Variants in ENKD1 observed in about 807,000 individuals in gnomAD.
The protein encoded by ENKD1 is enkurin domain containing 1.
A neutral mutation model predicts 35.8 loss-of-function variants in ENKD1; 39 were observed. That is an observed-to-expected ratio of 1.09 (90% CI 0.84 to 1.42). The LOEUF (loss-of-function observed/expected upper bound fraction) is 1.42. ENKD1 is among the 40% of genes most tolerant of loss of function. The pLI is 0.00. For synonymous variants in ENKD1, 205 were observed against 198.6 expected (o/e 1.03, Z -0.27); for missense variants, 474 against 471.3 (o/e 1.01, Z -0.05).
chr16:67,663,160 C>T lies in ENKD1; in HGVS notation c.*1G>A, dbSNP rs767398992. The T allele has an allele frequency of 1.2e-6, 2 of 1,613,914 alleles. No homozygotes were observed. Among genetic ancestry groups the T allele is most frequent in the Admixed American group, 1.7e-5 (1 of 60,028 alleles). On this transcript the variant is annotated 3_prime_UTR_variant, in exon 7 of 7. Coordinates refer to ENST00000243878, the MANE Select transcript of ENKD1 (RefSeq NM_032140.3). The stretch of plus-strand genomic sequence containing the variant: ...TCCTTGCCACTGTCCCCCAAAGGGG[C>T]TCAGTCGTCCATCTTCACGAAGACT...
chr16:67,664,181 CTCT>C, intron 3 of ENKD1, 119 bp from the exon 4 acceptor site: 1 of 861,804 alleles, frequency 1.2e-6, no homozygotes, highest in South Asian at 1.4e-5. Flanking sequence ...GCCCTCTTCC[CTCT>C]TCAAGGGACA....
Position 67,663,545 on chromosome 16 carries a change from C to G in ENKD1, c.755G>C (p.Arg252Pro). 2.5e-6 allele frequency: 4 copies of G among 1,611,772 alleles called. No homozygotes were observed. The highest frequency in any genetic ancestry group is 3.4e-6 in the Non-Finnish European group (4 of 1,179,230). The stretch of plus-strand genomic sequence containing the variant: ...GGCCTCCCGCCGCCACAGGTCCCTG[C>G]GCTCCAACAAGCTGTGGGTACACAG... Reference protein sequence around the residue: ...KGHVPHYLLERRDLWRREAEA... With the variant: ...KGHVPHYLLEPRDLWRREAEA... The change falls in exon 6 of 7, where the codon CGC becomes CCC. Residue 252 changes from arginine to proline, a missense_variant. Coordinates refer to ENST00000243878, the MANE Select transcript of ENKD1 (RefSeq NM_032140.3).
intron 2 of ENKD1, among the ~76,000 whole-genome samples, chr16:67,665,550 T>C (rs2053090147): frequency 1.3e-5 from 2 of 152,032 alleles, no homozygotes; most frequent in Non-Finnish European, 1.5e-5. Flanking sequence ...TTTGTAGAGA[T>C]GGGGTTTCAC....
intron 5 of ENKD1, 47 bp downstream of exon 5, chr16:67,663,610 C>G: frequency 6.2e-7 from 1 of 1,603,644 alleles, no homozygotes; most frequent in East Asian, 2.2e-5. Context: ...TTGGTTCCCA[C>G]CCTCCACAGG....
chr16:67,666,334 C>G, intron 1 of ENKD1, 24 bp downstream of exon 1: 1 of 1,585,170 alleles, frequency 6.3e-7, no homozygotes, highest in South Asian at 1.1e-5. Flanking sequence ...GAGCCTCGCA[C>G]CACCGCCAAG....
chr16:67,666,609 G>T lies in ENKD1; in HGVS notation c.-167C>A. ...CGGTCCCCGCCTGGGCCCCGGCCTC[G>T]CTCGCCACCTCCGCGACCTCTGCTC... On this transcript the variant is annotated 5_prime_UTR_variant, in exon 1 of 7. Coordinates refer to ENST00000243878, the MANE Select transcript of ENKD1 (RefSeq NM_032140.3). 1.7e-6 allele frequency: 1 copy of T among 595,060 alleles called. No individual in the cohort carries two copies. Among genetic ancestry groups the T allele is most frequent in the Non-Finnish European group, 2.7e-6 (1 of 368,940 alleles). 36.9% of individuals were successfully genotyped at this position (595,060 alleles called of 1,614,324 possible).
chr16:67,666,001 G>A, intron 2 of ENKD1, 70 bp downstream of exon 2: 1 of 1,527,256 alleles, frequency 6.5e-7, no homozygotes, highest in Non-Finnish European at 8.9e-7. Flanking sequence ...AGGGTGGAAA[G>A]AGCAGCTGCT....
chr16:67,664,228 G>A, intron 3 of ENKD1, 166 bp from the exon 4 acceptor site: 1 of 715,206 alleles, frequency 1.4e-6, no homozygotes. Context: ...GTGTGAGTAT[G>A]TCAGATTTTT....
At chr16:67,664,160 A>G (rs573691735) in intron 3 of ENKD1, 98 bp from the exon 4 acceptor site, 2 of 1,112,776 alleles carry the variant, frequency 1.8e-6, no homozygotes, top group South Asian at 2.7e-5. Context: ...CTTTGCATCC[A>G]TGTCCCTCGG....
rs1365335874 is a variant in ENKD1 at position 67,663,823 on chromosome 16, G to A, written c.580-3C>T. On this transcript the variant is annotated splice_polypyrimidine_tract_variant and splice_region_variant and intron_variant, in intron 4 of 6. Transcript: ENST00000243878. ...AAGTCCACCCCCAGGCCTGGCTCCT[G>A]CAGGACACAGCAAGCGTGGGTGGGG... is the stretch of plus-strand genomic sequence containing the variant. 3.7e-6 allele frequency: 6 copies of A among 1,604,308 alleles called. No individual in the cohort carries two copies. The highest frequency in any genetic ancestry group is 1.3e-5 in the African/African-American group (1 of 74,792).
Position 67,666,672 on chromosome 16 carries a change from C to T in ENKD1, c.-230G>A. 4.0e-6 allele frequency: 2 copies of T among 505,534 alleles called. No homozygotes were observed. Among genetic ancestry groups the T allele is most frequent in the Non-Finnish European group, 6.8e-6 (2 of 292,452 alleles). The allele number at this position is 505,534 out of a possible 1,614,324, so 31.3% of individuals were successfully genotyped here. On this transcript the variant is annotated 5_prime_UTR_variant, in exon 1 of 7. Coordinates refer to ENST00000243878, the MANE Select transcript of ENKD1 (RefSeq NM_032140.3). Reference sequence around the variant, plus strand: ...TCGGTCCCGCTCGCGGCCTCTCCCCCGCGGCACTCGGGCAGGGGCTCACTC... The same window carrying T: ...TCGGTCCCGCTCGCGGCCTCTCCCCTGCGGCACTCGGGCAGGGGCTCACTC...
At chr16:67,665,354 A>G (rs9927609) in intron 2 of ENKD1, among the ~76,000 whole-genome samples, 186 bp from the exon 3 acceptor site, 5,151 of 152,162 alleles carry the variant, frequency 0.034, 242 homozygotes, top group African/African-American at 0.11. Context: ...TAAGTATCAC[A>G]GGATGATTTT....
At chr16:67,664,639 C>T (rs2053075697) in intron 3 of ENKD1, 1 of 320,366 alleles carries the variant, frequency 3.1e-6, no homozygotes, top group African/African-American at 2.2e-5. Context: ...TGAAAAGTGG[C>T]TTTTGTGGCC....
Position 67,663,928 on chromosome 16 carries a change from TCCTCTCA to T in ENKD1, c.579+2_579+8del. 1 of 1,607,250 alleles carries T rather than the reference TCCTCTCA, an allele frequency of 6.2e-7. No homozygotes were observed. Among genetic ancestry groups the T allele is most frequent in the African/African-American group, 1.3e-5 (1 of 74,872 alleles). On this transcript the variant is annotated splice_donor_variant and splice_donor_5th_base_variant and intron_variant, in intron 4 of 6. Coordinates refer to ENST00000243878, the MANE Select transcript of ENKD1 (RefSeq NM_032140.3). LOFTEE classifies it high-confidence loss of function. ...CCAACCACCATCTAGCCCCCATACA[TCCTCTCA>T]CCTTAGCTTCGGGACCTGGTGGGGT... is the stretch of plus-strand genomic sequence containing the variant.
In ENKD1 at chr16:67,666,502, C is replaced by T; in HGVS notation, c.-60G>A. 7.3e-7 allele frequency: 1 copy of T among 1,365,506 alleles called. No individual in the cohort carries two copies. The highest frequency in any genetic ancestry group is 9.5e-7 in the Non-Finnish European group (1 of 1,056,082). The allele number at this position is 1,365,506 out of a possible 1,614,324, so 84.6% of individuals were successfully genotyped here. A position where few individuals can be genotyped will look rare whatever the true frequency, so the allele number is the denominator to read the frequency against. On this transcript the variant is annotated 5_prime_UTR_variant, in exon 1 of 7. Transcript: ENST00000243878. ...CCTGCAGGGCTGTTTACCTCCCTCC[C>T]CGGGCCCCCTTCCCCAACCCCGGGC...
At chr16:67,663,884 CCCA>C in intron 4 of ENKD1, 50 bp downstream of exon 4, 1 of 1,604,336 alleles carries the variant, frequency 6.2e-7, no homozygotes, top group Non-Finnish European at 8.5e-7. Flanking sequence ...GAACACCCCC[CCCA>C]CACCAGGAGC....
At position 67,666,621 on chromosome 16, in the gene ENKD1, C is replaced by T. The variant is rs951594265; in HGVS notation, c.-179G>A. 1 of 561,036 alleles carries T rather than the reference C, an allele frequency of 1.8e-6. No individual in the cohort carries two copies. Among genetic ancestry groups the T allele is most frequent in the East Asian group, 3.5e-5 (1 of 28,610 alleles). The allele number at this position is 561,036 out of a possible 1,614,324, so 34.8% of individuals were successfully genotyped here. A position where few individuals can be genotyped will look rare whatever the true frequency, so the allele number is the denominator to read the frequency against. On this transcript the variant is annotated 5_prime_UTR_variant, in exon 1 of 7. Transcript: ENST00000243878. ...GGGCCCCGGCCTCGCTCGCCACCTC[C>T]GCGACCTCTGCTCCCAGCCCACTTC...
rs748628507 is a variant in ENKD1, at chr16:67,663,203, C to G, written c.999G>C (p.Lys333Asn). The G allele has an allele frequency of 6.2e-7, 1 of 1,614,102 alleles. No individual in the cohort carries two copies. Among genetic ancestry groups the G allele is most frequent in the Non-Finnish European group, 8.5e-7 (1 of 1,180,044 alleles). The stretch of plus-strand genomic sequence containing the variant: ...CGAAGACTTTGGGCCGAGAAAAGAT[C>G]TTGATGGCCTCCTCTACCTGCACCA... ...RKLVQVEEAI[K>N]IFSRPKVFVK... is the part of the protein sequence containing the mutation. The change falls in exon 7 of 7, where the codon AAG (lysine) becomes AAC (asparagine). Residue 333 changes from lysine to asparagine, a missense_variant. By Grantham distance (94) the Lys-to-Asn change is moderately conservative. Coordinates refer to ENST00000243878, the MANE Select transcript of ENKD1 (RefSeq NM_032140.3).
At position 67,666,357 on chromosome 16, in the gene ENKD1, C is replaced by T; in HGVS notation, c.85+1G>A. The T allele has an allele frequency of 6.3e-7, 1 of 1,580,156 alleles. No homozygotes were observed. The highest frequency in any genetic ancestry group is 8.6e-7 in the Non-Finnish European group (1 of 1,169,474). On this transcript the variant is annotated splice_donor_variant, in intron 1 of 6. Coordinates refer to ENST00000243878, the MANE Select transcript of ENKD1 (RefSeq NM_032140.3). LOFTEE classifies it high-confidence loss of function. ...CACCACCGCCAAGCCCCCGGACTCA[C>T]CCGAGGTCGGCCGCCTGTAGTTGTC... is the stretch of plus-strand genomic sequence containing the variant.
Sources: gnomAD v4.1 joint callset for allele counts (sites outside exome capture counted in the v4.1 genomes callset) on GRCh38, gnomAD v4.1.1 for gene constraint, MANE v1.5 for transcripts, NCBI Gene and HGNC (gene_info 2026-07-23, HGNC 2026-07-21) for gene names.